Variants in PTPRD observed in about 807,000 individuals in gnomAD.
The protein encoded by PTPRD is protein tyrosine phosphatase receptor type D.
Under a neutral mutation model 214.5 loss-of-function variants are expected in PTPRD, and 34 were observed. The observed-to-expected ratio is 0.16, with a 90% confidence interval of 0.12 to 0.21. The LOEUF (loss-of-function observed/expected upper bound fraction) is 0.21. PTPRD is among the 10% of genes least tolerant of loss of function. The pLI is 1.00. For missense variants in PTPRD, 2,545 were observed against 2,398.7 expected (o/e 1.06, Z -1.27); for synonymous variants, 1,128 against 845.7 (o/e 1.33, Z -5.79).
At chr9:10,371,946 G>A (rs2097632521) in intron 2 of PTPRD, among the ~76,000 whole-genome samples, 1 of 151,968 alleles carries the variant, frequency 6.6e-6, no homozygotes, top group Non-Finnish European at 1.5e-5. Context: ...TCATGGAAAT[G>A]ACCCAACTAC....
In PTPRD at chr9:9,275,103, A is replaced by T. The variant is rs36071739; in HGVS notation, c.-202-91740T>A. ...ATATAATATATATGTTATATATATAATATATTATATATATATTATATATAT... is the reference window on the plus strand; with the variant it reads ...ATATAATATATATGTTATATATATATTATATTATATATATATTATATATAT... On this transcript the variant is annotated intron_variant, in intron 9 of 45. Coordinates refer to ENST00000381196, the MANE Select transcript of PTPRD (RefSeq NM_002839.4). Among the ~76,000 whole-genome samples the T allele has an allele frequency of 2.0e-3, 116 of 58,486 alleles. 2 individuals are homozygous for T. Among genetic ancestry groups the T allele is most frequent in the Non-Finnish European group, 2.2e-3 (71 of 31,712 alleles). The allele number at this position is 58,486 out of a possible 152,430, so 38.4% of individuals were successfully genotyped here.
At chr9:9,918,904 A>C (rs1048356150) in intron 5 of PTPRD, among the ~76,000 whole-genome samples, 19 of 152,124 alleles carry the variant, frequency 1.2e-4, no homozygotes, top group African/African-American at 4.3e-4. Context: ...ATTCAAAATT[A>C]ATCAATACCT....
intron 44 of PTPRD, among the ~76,000 whole-genome samples, chr9:8,328,727 C>G (rs1324263261): frequency 6.6e-6 from 1 of 151,964 alleles, no homozygotes; most frequent in Non-Finnish European, 1.5e-5. Flanking sequence ...TTGTTCATTT[C>G]TTTTTACTCT....
chr9:8,800,335 G>A (rs1474639763), intron 11 of PTPRD, among the ~76,000 whole-genome samples: 1 of 152,092 alleles, frequency 6.6e-6, no homozygotes, highest in Non-Finnish European at 1.5e-5. Context: ...ATAGGGGCTG[G>A]GTAAAACAAT....
intron 11 of PTPRD, among the ~76,000 whole-genome samples, chr9:8,829,497 C>T (rs1480631735): frequency 3.7e-5 from 5 of 135,202 alleles, no homozygotes; most frequent in African/African-American, 1.2e-4. Context: ...CTGCATTGTG[C>T]ATTTAAAACG....
At chr9:9,809,450 G>C (rs2046454756) in intron 5 of PTPRD, among the ~76,000 whole-genome samples, 1 of 151,868 alleles carries the variant, frequency 6.6e-6, no homozygotes. Context: ...TGTATTTTTA[G>C]TAGAGACGGG....
intron 8 of PTPRD, among the ~76,000 whole-genome samples, chr9:9,533,916 G>T (rs1463396415): frequency 6.6e-6 from 1 of 151,868 alleles, no homozygotes; most frequent in South Asian, 2.1e-4. Flanking sequence ...CCTTTTTACT[G>T]TATCCTTACT....
At chr9:10,296,300 T>C (rs2095670450) in intron 3 of PTPRD, among the ~76,000 whole-genome samples, 1 of 151,976 alleles carries the variant, frequency 6.6e-6, no homozygotes, top group Non-Finnish European at 1.5e-5. Context: ...AATTGACCCT[T>C]CTGGTATCAA....
chr9:9,703,154 T>A (rs957609690), intron 7 of PTPRD, among the ~76,000 whole-genome samples: 3 of 152,260 alleles, frequency 2.0e-5, no homozygotes, highest in South Asian at 4.2e-4. Context: ...CTGATGGTTT[T>A]ATACATTTAA....
intron 10 of PTPRD, among the ~76,000 whole-genome samples, chr9:9,053,583 G>T (rs1404908843): frequency 6.6e-6 from 1 of 152,082 alleles, no homozygotes; most frequent in African/African-American, 2.4e-5. Flanking sequence ...AGCACAGCCT[G>T]GTGGACACCT....
chr9:9,400,055 T>G (rs1034586633), intron 8 of PTPRD, among the ~76,000 whole-genome samples: 1 of 149,318 alleles, frequency 6.7e-6, no homozygotes, highest in Non-Finnish European at 1.5e-5. Context: ...TTTGACTTTC[T>G]TTAAAAAATA....
At chr9:10,278,497 G>T (rs556944560) in intron 3 of PTPRD, among the ~76,000 whole-genome samples, 7 of 152,228 alleles carry the variant, frequency 4.6e-5, no homozygotes, top group African/African-American at 1.7e-4. Context: ...TTTGCACATA[G>T]TAATAAGATT....
chr9:10,110,809 C>G (rs895275335), intron 3 of PTPRD, among the ~76,000 whole-genome samples: 2 of 152,164 alleles, frequency 1.3e-5, no homozygotes, highest in Non-Finnish European at 2.9e-5. Flanking sequence ...GCCTCCTTTT[C>G]TTAAATATTA....
intron 3 of PTPRD, among the ~76,000 whole-genome samples, chr9:10,043,745 A>T (rs1432787420): frequency 6.6e-6 from 1 of 151,880 alleles, no homozygotes; most frequent in Non-Finnish European, 1.5e-5. Context: ...GGATGAAGCC[A>T]CTGGTGCTGC....
intron 10 of PTPRD, among the ~76,000 whole-genome samples, chr9:9,065,802 C>G (rs1219087467): frequency 6.6e-6 from 1 of 152,018 alleles, no homozygotes; most frequent in Non-Finnish European, 1.5e-5. Context: ...CAGTAGTTCT[C>G]TTTAGTGGAA....
intron 33 of PTPRD, among the ~76,000 whole-genome samples, chr9:8,453,227 G>C (rs1379099482): frequency 6.6e-6 from 1 of 152,144 alleles, no homozygotes; most frequent in African/African-American, 2.4e-5. Context: ...GCAGTGGTGC[G>C]ATCTCGGCTC....
chr9:8,798,918 C>CA (rs1436178616), intron 11 of PTPRD, among the ~76,000 whole-genome samples: 3 of 152,102 alleles, frequency 2.0e-5, no homozygotes, highest in Non-Finnish European at 4.4e-5. Flanking sequence ...AATAACGACT[C>CA]AGAGCCTAGC....
chr9:8,611,334 T>C (rs1233049929), intron 14 of PTPRD, among the ~76,000 whole-genome samples: 4 of 152,156 alleles, frequency 2.6e-5, no homozygotes, highest in South Asian at 2.1e-4. Flanking sequence ...ATCCTTATGA[T>C]GACGTCACTA....
rs10977916 is a variant in PTPRD at position 9,657,507 on chromosome 9, G to A, written c.-287+77026C>T. On this transcript the variant is annotated intron_variant, in intron 7 of 45. Coordinates refer to ENST00000381196, the MANE Select transcript of PTPRD (RefSeq NM_002839.4). ...AGGAGAAATACCTAATGTAAATGAC[G>A]AGTTGATGAGTGCAGCAAACCAACA... Among the ~76,000 whole-genome samples, 9 of 152,252 alleles carry A rather than the reference G, an allele frequency of 5.9e-5. No homozygotes were observed. The South Asian group carries it at 8.3e-4, about 14-fold the overall frequency.
Sources: allele counts gnomAD v4.1 joint callset (sites outside exome capture counted in the v4.1 genomes callset), GRCh38; gene constraint gnomAD v4.1.1; transcripts MANE v1.5; gene names NCBI Gene and HGNC (gene_info 2026-07-23, HGNC 2026-07-21).